The following LRFN5 variants were observed in gnomAD, a reference collection of about 807,000 sequenced individuals.
The protein encoded by LRFN5 is leucine-rich repeat and fibronectin type-III domain-containing protein 5.
In LRFN5, 24 loss-of-function variants were observed where a neutral mutation model predicts 45.6. The observed-to-expected ratio is 0.53, with a 90% CI of 0.38 to 0.74. The LOEUF is 0.74. Ranked by LOEUF, LRFN5 falls within the 30% of genes least tolerant of loss-of-function variation. LRFN5 has a pLI of 0.00. For synonymous variants in LRFN5, 340 were observed against 313.8 expected (o/e 1.08, Z -0.88); for missense variants, 776 against 861.5 (o/e 0.90, Z 1.24).
chr14:41,863,174 T>A (rs1889728111), intron 2 of LRFN5, among the ~76,000 whole-genome samples: 1 of 152,204 alleles, frequency 6.6e-6, no homozygotes, highest in Admixed American at 6.5e-5. Context: ...CTAAGTCTCT[T>A]CTTAATCAGT....
intron 2 of LRFN5, among the ~76,000 whole-genome samples, chr14:41,851,514 TC>T (rs1292811384): frequency 6.6e-6 from 1 of 151,784 alleles, no homozygotes; most frequent in Non-Finnish European, 1.5e-5. Flanking sequence ...GAACCACAAT[TC>T]TTTGAAAAAT....
At chr14:41,757,081 G>C (rs1389413396) in intron 1 of LRFN5, among the ~76,000 whole-genome samples, 2 of 152,190 alleles carry the variant, frequency 1.3e-5, no homozygotes, top group Non-Finnish European at 2.9e-5. Context: ...GGATATTGGT[G>C]AACAGCAAAT....
intron 1 of LRFN5, among the ~76,000 whole-genome samples, chr14:41,669,218 A>G (rs1408415136): frequency 1.3e-5 from 2 of 151,960 alleles, no homozygotes; most frequent in Non-Finnish European, 2.9e-5. Context: ...AAACATGAGG[A>G]CATTTATAAT....
intron 1 of LRFN5, among the ~76,000 whole-genome samples, chr14:41,753,944 A>G (rs1276740892): frequency 6.6e-6 from 1 of 152,192 alleles, no homozygotes; most frequent in South Asian, 2.1e-4. Flanking sequence ...TCCCATCAAT[A>G]CCTAATTTAT....
intron 2 of LRFN5, among the ~76,000 whole-genome samples, chr14:41,883,010 G>A (rs1337294538): frequency 1.3e-5 from 2 of 151,682 alleles, no homozygotes; most frequent in South Asian, 2.1e-4. Context: ...CACCACAGCC[G>A]GCTAATTTTT....
chr14:41,808,365 GGAAGGAAGGGA>G (rs1887603756), intron 2 of LRFN5, among the ~76,000 whole-genome samples: 1 of 114,956 alleles, frequency 8.7e-6, no homozygotes, highest in Admixed American at 9.2e-5. Context: ...AAGGAAGGAA[GGAAGGAAGGGA>G]AAGAAGGAAG....
At chr14:41,646,238 T>C (rs1430818214) in intron 1 of LRFN5, among the ~76,000 whole-genome samples, 1 of 152,214 alleles carries the variant, frequency 6.6e-6, no homozygotes, top group African/African-American at 2.4e-5. Context: ...TAACCCTTAA[T>C]GAAATGATTT....
At chr14:41,754,178 G>T (rs1885268215) in intron 1 of LRFN5, among the ~76,000 whole-genome samples, 1 of 152,138 alleles carries the variant, frequency 6.6e-6, no homozygotes, top group South Asian at 2.1e-4. Flanking sequence ...GTATTTTATT[G>T]AGGATTTTTG....
At chr14:41,840,263 T>C (rs1160021901) in intron 2 of LRFN5, among the ~76,000 whole-genome samples, 1 of 152,082 alleles carries the variant, frequency 6.6e-6, no homozygotes, top group Non-Finnish European at 1.5e-5. Context: ...TGTAAAACTA[T>C]CAGTGTTAAA....
intron 1 of LRFN5, among the ~76,000 whole-genome samples, chr14:41,744,518 T>C (rs2138828692): frequency 6.6e-6 from 1 of 152,118 alleles, no homozygotes; most frequent in African/African-American, 2.4e-5. Flanking sequence ...CAAAAGTAAG[T>C]CCCACATTAT....
chr14:41,890,599 C>A (rs985841816), intron 3 of LRFN5, among the ~76,000 whole-genome samples: 2 of 150,970 alleles, frequency 1.3e-5, no homozygotes, highest in African/African-American at 4.9e-5. Context: ...CCCAGCTACT[C>A]GGCAGGCTGA....
At chr14:41,677,554 A>G (rs1156510468) in intron 1 of LRFN5, among the ~76,000 whole-genome samples, 1 of 152,170 alleles carries the variant, frequency 6.6e-6, no homozygotes, top group Non-Finnish European at 1.5e-5. Context: ...AAGAGATGCA[A>G]CTTGTTTGAA....
intron 1 of LRFN5, among the ~76,000 whole-genome samples, chr14:41,622,596 A>G (rs190914596): frequency 8.5e-5 from 13 of 152,216 alleles, no homozygotes; most frequent in African/African-American, 2.9e-4. Context: ...TTTACAAATA[A>G]ACAAGCTACA....
intron 1 of LRFN5, among the ~76,000 whole-genome samples, chr14:41,660,732 C>T (rs758969239): frequency 2.0e-5 from 3 of 151,692 alleles, no homozygotes; most frequent in Admixed American, 1.3e-4. Flanking sequence ...TTGGATGTGA[C>T]TTGGGAAACT....
Position 41,612,470 on chromosome 14 carries a change from T to C in LRFN5, c.-197+3908T>C, listed in dbSNP as rs1235035575. Among the ~76,000 whole-genome samples the C allele has an allele frequency of 4.6e-5, 7 of 152,186 alleles. No homozygotes were observed. The East Asian group carries it at 1.2e-3, about 25-fold the overall frequency. On this transcript the variant is annotated intron_variant, in intron 1 of 5. Coordinates refer to ENST00000298119, the MANE Select transcript of LRFN5 (RefSeq NM_152447.5). ...TTTGTATGTAGTATAATGAATTTTA[T>C]GTTTTATGTATTATTGAAGAGTAAA...
intron 1 of LRFN5, among the ~76,000 whole-genome samples, chr14:41,720,185 T>C (rs1262951276): frequency 6.6e-6 from 1 of 152,102 alleles, no homozygotes; most frequent in Non-Finnish European, 1.5e-5. Context: ...GTACCTAATG[T>C]TTAGCTCCCA....
At chr14:41,818,621 C>A (rs530145226) in intron 2 of LRFN5, among the ~76,000 whole-genome samples, 2 of 152,138 alleles carry the variant, frequency 1.3e-5, no homozygotes, top group East Asian at 3.9e-4. Context: ...TTCTTGTGAT[C>A]TTTCAAGTTT....
intron 1 of LRFN5, among the ~76,000 whole-genome samples, chr14:41,759,769 C>T (rs887283014): frequency 2.6e-5 from 4 of 152,188 alleles, no homozygotes; most frequent in Admixed American, 2.0e-4. Context: ...TTCTGTGAGA[C>T]ACACTGTATT....
In LRFN5 at chr14:41,692,921, A is replaced by T. The variant is rs1882445524; in HGVS notation, c.-196-73933A>T. On this transcript the variant is annotated intron_variant, in intron 1 of 5. Coordinates refer to ENST00000298119, the MANE Select transcript of LRFN5 (RefSeq NM_152447.5). Reference sequence around the variant, plus strand: ...CAAACAAGCTTCTCTGTATAGAGTTATCTACAGGTTAAAGTTTACTTTTTT... The same window carrying T: ...CAAACAAGCTTCTCTGTATAGAGTTTTCTACAGGTTAAAGTTTACTTTTTT... Among the ~76,000 whole-genome samples the T allele has an allele frequency of 1.3e-5, 2 of 152,096 alleles. 1 individual carries two copies. The highest frequency in any genetic ancestry group is 4.1e-4 in the South Asian group (2 of 4,832).
Sources: gnomAD v4.1 joint callset for allele counts (sites outside exome capture counted in the v4.1 genomes callset) on GRCh38, gnomAD v4.1.1 for gene constraint, MANE v1.5 for transcripts, NCBI Gene and HGNC (gene_info 2026-07-23, HGNC 2026-07-21) for gene names.